ANKRD44: variants seen among roughly 807,000 people sequenced by gnomAD.
The protein encoded by ANKRD44 is ankyrin repeat domain 44.
A neutral mutation model predicts 116.0 loss-of-function variants in ANKRD44; 35 were observed. The ratio of observed to expected loss-of-function variants is 0.30; its 90% CI spans 0.23 to 0.40. ANKRD44 has a LOEUF of 0.40. ANKRD44 is among the 10% of genes least tolerant of loss of function. The probability of loss-of-function intolerance (pLI) is 1.00; values close to 1 mark genes in which losing one functional copy is unlikely to be tolerated. For synonymous variants in ANKRD44, 435 were observed against 461.8 expected, an observed-to-expected ratio of 0.94 and a Z score of 0.74; for missense variants, 1,014 against 1,242.6, an observed-to-expected ratio of 0.82 and a Z score of 2.77.
At chr2:196,992,463 C>T (rs185878203) in intron 27 of ANKRD44, among the ~76,000 whole-genome samples, 8 of 152,268 alleles carry the variant, frequency 5.3e-5, no homozygotes, top group African/African-American at 1.7e-4. Flanking sequence ...TTCCTAAGGT[C>T]ACTATCAGCT....
chr2:197,299,247 ATAG>A (rs2083821118), intron 1 of ANKRD44, among the ~76,000 whole-genome samples: 1 of 151,974 alleles, frequency 6.6e-6, no homozygotes, highest in Admixed American at 6.6e-5. Context: ...TAGGCATCCC[ATAG>A]TCTGGATTTT....
At chr2:197,061,992 G>A (rs1183317203) in intron 16 of ANKRD44, among the ~76,000 whole-genome samples, 1 of 152,142 alleles carries the variant, frequency 6.6e-6, no homozygotes, top group Non-Finnish European at 1.5e-5. Context: ...TGTTGGTCAG[G>A]CTGGTCTTGA....
At chr2:197,155,696 A>T (rs1019557257) in intron 2 of ANKRD44, among the ~76,000 whole-genome samples, 17 of 152,226 alleles carry the variant, frequency 1.1e-4, no homozygotes, top group Non-Finnish European at 2.2e-4. Flanking sequence ...CTAAATGTAA[A>T]ACTTAAAATT....
In ANKRD44 at chr2:197,125,421, G is replaced by A; in HGVS notation, c.510C>T (p.Asp170=). Residue 170 remains aspartate (D), a synonymous_variant, in exon 6 of 28, where the codon GAC becomes GAT. Coordinates refer to ENST00000282272, the MANE Select transcript of ANKRD44 (RefSeq NM_001195144.2). ...AGTGCAGAGCACGCCGGTCCTTCTT[G>A]TCAAATGCATTGATATTTGCCCCTT... ...LAKGANINAF[D]KKDRRALHWA... 6.2e-7 allele frequency: 1 copy of A among 1,614,128 alleles called. No individual in the cohort carries two copies. Among genetic ancestry groups the A allele is most frequent in the Non-Finnish European group, 8.5e-7 (1 of 1,180,040 alleles).
At chr2:197,118,633 G>GAAAGAA (rs767547012) in intron 8 of ANKRD44, among the ~76,000 whole-genome samples, 3,181 of 48,528 alleles carry the variant, frequency 0.066, 145 homozygotes, top group African/African-American at 0.17. Context: ...GAGAGAGAGA[G>GAAAGAA]AGAGAGAAAG....
chr2:197,284,590 T>G (rs566812911), intron 1 of ANKRD44, among the ~76,000 whole-genome samples: 1 of 151,842 alleles, frequency 6.6e-6, no homozygotes, highest in South Asian at 2.1e-4. Flanking sequence ...TCATTAAAAT[T>G]TTTACATTAT....
At chr2:197,282,305 GTTT>G (rs1029893677) in intron 1 of ANKRD44, among the ~76,000 whole-genome samples, 1 of 151,584 alleles carries the variant, frequency 6.6e-6, no homozygotes, top group Non-Finnish European at 1.5e-5. Flanking sequence ...TTGCCATTAT[GTTT>G]TCTTTTTTTT....
intron 2 of ANKRD44, among the ~76,000 whole-genome samples, chr2:197,156,057 G>A (rs2079801710): frequency 6.6e-6 from 1 of 152,120 alleles, no homozygotes; most frequent in Non-Finnish European, 1.5e-5. Flanking sequence ...ATAAAACAAT[G>A]CTCACCGGGC....
At chr2:197,242,442 G>C (rs771722154) in intron 1 of ANKRD44, among the ~76,000 whole-genome samples, 39 of 152,134 alleles carry the variant, frequency 2.6e-4, no homozygotes, top group Non-Finnish European at 7.3e-5. Flanking sequence ...AGTTATACCA[G>C]GTTTCTCAAA....
At chr2:197,014,819 C>T (rs772773217) in intron 17 of ANKRD44, among the ~76,000 whole-genome samples, 4 of 151,706 alleles carry the variant, frequency 2.6e-5, no homozygotes, top group Non-Finnish European at 5.9e-5. Context: ...TGCTTTGTAC[C>T]ATCAAAAAAC....
At chr2:197,153,225 CAAAAA>C (rs75600123) in intron 2 of ANKRD44, among the ~76,000 whole-genome samples, 984 of 69,326 alleles carry the variant, frequency 0.014, 10 homozygotes, top group African/African-American at 0.052. Flanking sequence ...AAGACCCTGC[CAAAAA>C]AAAAAAAAAA....
intron 1 of ANKRD44, among the ~76,000 whole-genome samples, chr2:197,192,065 T>C (rs1454162184): frequency 6.6e-6 from 1 of 152,224 alleles, no homozygotes; most frequent in Non-Finnish European, 1.5e-5. Flanking sequence ...ATCCACTCCA[T>C]CCGGCTATGA....
intron 1 of ANKRD44, among the ~76,000 whole-genome samples, chr2:197,288,716 C>T (rs370706779): frequency 1.3e-5 from 2 of 151,822 alleles, no homozygotes; most frequent in East Asian, 1.9e-4. Flanking sequence ...ACTATTCAGC[C>T]GTAAAAAACA....
chr2:197,111,639 A>AG (rs2078569830), intron 8 of ANKRD44, among the ~76,000 whole-genome samples: 1 of 27,840 alleles, frequency 3.6e-5, no homozygotes, highest in Non-Finnish European at 2.3e-4. Flanking sequence ...ACTCTGTCTC[A>AG]AAAAAAAAAA....
chr2:197,086,787 T>C (rs2077934549), intron 12 of ANKRD44, 39 bp from the exon 13 acceptor site: 2 of 1,584,980 alleles, frequency 1.3e-6, no homozygotes, highest in East Asian at 2.2e-5. Context: ...ATGGAAGAGA[T>C]CAATTACTGG....
chr2:197,164,620 GC>G (rs1199249640), intron 2 of ANKRD44, among the ~76,000 whole-genome samples: 14 of 152,072 alleles, frequency 9.2e-5, no homozygotes, highest in Non-Finnish European at 1.3e-4. Context: ...GGGTTCCCGC[GC>G]CCCAACCCCT....
In ANKRD44 at chr2:197,160,093, C is replaced by A. The variant is rs1342033810; in HGVS notation, c.112-12988G>T. On this transcript the variant is annotated intron_variant, in intron 2 of 27. Transcript: ENST00000282272. ...GCACACGCACACACATACGCATGCACTTTCATTATAAAAAAACAAACTCTG... is the reference window on the plus strand; with the variant it reads ...GCACACGCACACACATACGCATGCAATTTCATTATAAAAAAACAAACTCTG... 2.0e-5 allele frequency among the ~76,000 whole-genome samples: 3 copies of A among 152,074 alleles called. No individual in the cohort carries two copies. In the South Asian group the frequency reaches 6.2e-4, roughly 32 times the overall value.
intron 16 of ANKRD44, among the ~76,000 whole-genome samples, chr2:197,066,523 T>C (rs1421310432): frequency 6.6e-6 from 1 of 152,230 alleles, no homozygotes; most frequent in East Asian, 1.9e-4. Context: ...GATAACATGA[T>C]TGTATATTTA....
chr2:197,099,667 A>G, intron 10 of ANKRD44, 149 bp downstream of exon 10: 1 of 1,324,504 alleles, frequency 7.5e-7, no homozygotes, highest in South Asian at 2.4e-5. Flanking sequence ...AAAGGCACTT[A>G]ATTTATTTAA....
Sources: gnomAD v4.1 joint callset for allele counts (sites outside exome capture counted in the v4.1 genomes callset) on GRCh38, gnomAD v4.1.1 for gene constraint, MANE v1.5 for transcripts, NCBI Gene and HGNC (gene_info 2026-07-23, HGNC 2026-07-21) for gene names.